ANKRD13A: variants seen among roughly 807,000 people sequenced by gnomAD.
ANKRD13A encodes ankyrin repeat domain 13A.
ANKRD13A carries 48 observed loss-of-function variants against 81.3 expected under a neutral mutation model. The ratio of observed to expected loss-of-function variants is 0.59; its 90% CI spans 0.47 to 0.75. The LOEUF is 0.75. Ranked by LOEUF, ANKRD13A falls within the 30% of genes least tolerant of loss-of-function variation. The pLI is 0.00. For synonymous variants in ANKRD13A, 230 were observed against 270.1 expected (o/e 0.85, Z 1.45); for missense variants, 612 against 734.0 (o/e 0.83, Z 1.92).
rs1326760476 is a variant in ANKRD13A at position 110,033,840 on chromosome 12, A to T, written c.1392A>T (p.Glu464Asp). 1 of 1,610,532 alleles carries T rather than the reference A, an allele frequency of 6.2e-7. No homozygotes were observed. The highest frequency in any genetic ancestry group is 8.5e-7 in the Non-Finnish European group (1 of 1,178,338). Residue 464 changes from glutamate (E) to aspartate (D), a missense_variant, in exon 13 of 15, where the codon GAA becomes GAT. Physicochemically the swap from Glu to Asp is conservative, Grantham distance 45. Transcript: ENST00000261739. ...TTGAGGTTGATCAATCTGTGTTTGA[A>T]ATTCCCGAATCTTACTATGTTCAAG... The part of the protein sequence containing the change: ...TNFEVDQSVF[E>D]IPESYYVQDN...
At chr12:110,010,524 T>C (rs1890465485) in intron 1 of ANKRD13A, among the ~76,000 whole-genome samples, 1 of 152,198 alleles carries the variant, frequency 6.6e-6, no homozygotes, top group Admixed American at 6.5e-5. Context: ...GATCCTACCC[T>C]TTGGAATTCT....
rs761660891 is a variant in ANKRD13A, at chr12:109,999,651, G to A, written c.-38G>A. ...GGAGACCCCGCCGGGGCCGAGACTT[G>A]GGGCGGGCGACGAGGACCAGGTTAC... On this transcript the variant is annotated 5_prime_UTR_variant, in exon 1 of 15. Transcript: ENST00000261739. The surrounding 1 kb of genome is among the most constrained non-coding windows in gnomAD (Gnocchi z 4.3). 1.1e-5 allele frequency: 17 copies of A among 1,489,402 alleles called. No homozygotes were observed. In the South Asian group the frequency reaches 2.0e-4, roughly 18 times the overall value. The allele number at this position is 1,489,402 out of a possible 1,614,324, so 92.3% of individuals were successfully genotyped here.
Position 110,020,728 on chromosome 12 carries a change from G to A in ANKRD13A, c.734+1400G>A, listed in dbSNP as rs536794634. ...TTCATAACCCCAGAAGGCAGAGGAA[G>A]CTGCCTTTTCTGCCACTGTTCATCC... is the stretch of plus-strand genomic sequence containing the variant. On this transcript the variant is annotated intron_variant, in intron 6 of 14. Transcript: ENST00000261739. 2.0e-5 allele frequency among the ~76,000 whole-genome samples: 3 copies of A among 152,360 alleles called. No homozygotes were observed. In the South Asian group the frequency reaches 6.2e-4, roughly 32 times the overall value.
Position 110,019,334 on chromosome 12 carries a change from A to G in ANKRD13A, c.734+6A>G. 1 of 1,588,316 alleles carries G rather than the reference A, an allele frequency of 6.3e-7. No homozygotes were observed. Among genetic ancestry groups the G allele is most frequent in the Non-Finnish European group, 8.6e-7 (1 of 1,164,660 alleles). On this transcript the variant is annotated splice_donor_region_variant and intron_variant, in intron 6 of 14. Coordinates refer to ENST00000261739, the MANE Select transcript of ANKRD13A (RefSeq NM_033121.2). ...AAAAATATTGCTTTTGAAAGGTACA[A>G]ATTTAGACTCTAAATTTTAATGTCT...
At chr12:110,031,357 ATT>A (rs112846454) in intron 12 of ANKRD13A, among the ~76,000 whole-genome samples, 1 of 143,244 alleles carries the variant, frequency 7.0e-6, no homozygotes, top group Non-Finnish European at 1.5e-5. Context: ...GGTTCAGTGC[ATT>A]TTTTTTTTTT....
intron 1 of ANKRD13A, among the ~76,000 whole-genome samples, chr12:110,011,182 C>A (rs1890500438): frequency 6.6e-6 from 1 of 152,116 alleles, no homozygotes; most frequent in African/African-American, 2.4e-5. Flanking sequence ...CTTTCAGAGT[C>A]ACATTTTTTA....
chr12:110,028,465 T>C, intron 9 of ANKRD13A, 47 bp from the exon 10 acceptor site: 1 of 1,609,826 alleles, frequency 6.2e-7, no homozygotes, highest in Non-Finnish European at 8.5e-7. Flanking sequence ...CCTTCACTTG[T>C]GAACATCATT....
rs1892207842 is a variant in ANKRD13A, at chr12:110,038,810, C to A, written c.*1256C>A. ...TTGTATATAACCATCGCACAACATACAGAACCCTGGGGAATACAGCCAAGG... is the reference window on the plus strand; with the variant it reads ...TTGTATATAACCATCGCACAACATAAAGAACCCTGGGGAATACAGCCAAGG... On this transcript the variant is annotated 3_prime_UTR_variant, in exon 15 of 15. Coordinates refer to ENST00000261739, the MANE Select transcript of ANKRD13A (RefSeq NM_033121.2). 1 of 152,206 alleles carries A rather than the reference C, an allele frequency of 6.6e-6. No individual in the cohort carries two copies. Among genetic ancestry groups the A allele is most frequent in the Non-Finnish European group, 1.5e-5 (1 of 68,032 alleles). The allele number at this position is 152,206 out of a possible 1,614,324, so 9.4% of individuals were successfully genotyped here.
chr12:110,025,747 C>T lies in ANKRD13A; in HGVS notation c.807C>T (p.Tyr269=), dbSNP rs759254043. 2 of 1,611,456 alleles carry T rather than the reference C, an allele frequency of 1.2e-6. No homozygotes were observed. The highest frequency in any genetic ancestry group is 2.2e-5 in the East Asian group (1 of 44,650). The change falls in exon 8 of 15, where the codon TAC becomes TAT. Residue 269 remains tyrosine (Y), a synonymous_variant. Transcript: ENST00000261739. ...EVVNGYEAKV[Y]TVNNVNVITK... ...CTTTCGCATACACCTCTCAGGTTTA[C>T]ACAGTAAACAATGTGAATGTGATCA...
intron 9 of ANKRD13A, 79 bp downstream of exon 9, chr12:110,027,845 A>G: frequency 7.0e-7 from 1 of 1,433,856 alleles, no homozygotes; most frequent in Admixed American, 1.7e-5. Context: ...CATTTACTGG[A>G]TCCTGAACAG....
chr12:110,004,616 A>C (rs1458913235), intron 1 of ANKRD13A, among the ~76,000 whole-genome samples: 1 of 152,158 alleles, frequency 6.6e-6, no homozygotes, highest in African/African-American at 2.4e-5. Flanking sequence ...GGGCAACAAG[A>C]GGGAGACTCT....
chr12:110,024,411 A>T lies in ANKRD13A; in HGVS notation c.801+299A>T, dbSNP rs550691267. On this transcript the variant is annotated intron_variant, in intron 7 of 14. Coordinates refer to ENST00000261739, the MANE Select transcript of ANKRD13A (RefSeq NM_033121.2). ...AAGCTAGTCATTCCCTTAATTATTT[A>T]AAAAAAAAAAAGGAAGAGGAAGGAT... Among the ~76,000 whole-genome samples the T allele has an allele frequency of 5.5e-3, 791 of 145,064 alleles. 4 individuals are homozygous for T. The highest frequency in any genetic ancestry group is 0.021 in the Middle Eastern group (6 of 280).
rs186647404 is a variant in ANKRD13A, at chr12:110,023,673, G to A, written c.735-373G>A. 6.7e-3 allele frequency: 1,214 copies of A among 182,322 alleles called. 2 individuals carry two copies. Among genetic ancestry groups the A allele is most frequent in the Non-Finnish European group, 9.0e-3 (780 of 86,334 alleles). The allele number at this position is 182,322 out of a possible 1,614,324, so 11.3% of individuals were successfully genotyped here. ...GCATGTCCCCAGTTAAGATGACCCA[G>A]ATAAATGCTCTGACCTGGTTACCAC... On this transcript the variant is annotated intron_variant, in intron 6 of 14. Transcript: ENST00000261739.
rs1435828491 is a variant in ANKRD13A, at chr12:110,036,375, C to A, written c.1577+47C>A. The A allele has an allele frequency of 1.3e-6, 2 of 1,590,068 alleles. No individual in the cohort carries two copies. Among genetic ancestry groups the A allele is most frequent in the Admixed American group, 1.7e-5 (1 of 59,946 alleles). ...GGAATAAACCAGGGTGAACACAGGC[C>A]TGGACACAGGCGAGCAGACGCGTGG... On this transcript the variant is annotated intron_variant, in intron 14 of 14. Coordinates refer to ENST00000261739, the MANE Select transcript of ANKRD13A (RefSeq NM_033121.2). This position sits in a 1 kb window ranked among gnomAD's most constrained non-coding sequence, Gnocchi z 4.6.
chr12:110,018,589 C>G lies in ANKRD13A; in HGVS notation c.544+101C>G. On this transcript the variant is annotated intron_variant, in intron 5 of 14. Coordinates refer to ENST00000261739, the MANE Select transcript of ANKRD13A (RefSeq NM_033121.2). The surrounding 1 kb of genome is among the most constrained non-coding windows in gnomAD (Gnocchi z 4.4). ...CATTCATGTGACTTTTCTGTCTGAT[C>G]CTTCCTAGGGCATGTTTTTTTGGTT... 1 of 1,394,802 alleles carries G rather than the reference C, an allele frequency of 7.2e-7. No individual in the cohort carries two copies. The highest frequency in any genetic ancestry group is 9.9e-7 in the Non-Finnish European group (1 of 1,012,778). The allele number at this position is 1,394,802 out of a possible 1,614,324, so 86.4% of individuals were successfully genotyped here. A position where few individuals can be genotyped will look rare whatever the true frequency, so the allele number is the denominator to read the frequency against.
At chr12:110,019,448 A>G (rs906359336) in intron 6 of ANKRD13A, 120 bp downstream of exon 6, 5 of 951,340 alleles carry the variant, frequency 5.3e-6, no homozygotes, top group Admixed American at 3.2e-5. Context: ...CATAATAAAC[A>G]CTAGTGGGTT....
At chr12:110,010,742 A>C (rs967087715) in intron 1 of ANKRD13A, among the ~76,000 whole-genome samples, 1 of 152,204 alleles carries the variant, frequency 6.6e-6, no homozygotes, top group African/African-American at 2.4e-5. Context: ...TCTTCACTGT[A>C]TAATAGCCAT....
chr12:110,023,806 C>G, intron 6 of ANKRD13A: 1 of 422,408 alleles, frequency 2.4e-6, no homozygotes, highest in Non-Finnish European at 4.3e-6. Flanking sequence ...TGTAAAGAAG[C>G]CAAGATTGGA....
chr12:110,012,223 G>C (rs1283360635), intron 2 of ANKRD13A, 86 bp downstream of exon 2: 2 of 1,425,550 alleles, frequency 1.4e-6, no homozygotes, highest in Non-Finnish European at 1.9e-6. Context: ...AAATTAGCCA[G>C]GTGCGGTGGT....
Sources: allele counts gnomAD v4.1 joint callset (sites outside exome capture counted in the v4.1 genomes callset), GRCh38; gene constraint gnomAD v4.1.1; non-coding constraint Gnocchi (gnomAD v3.1); transcripts MANE v1.5; gene names NCBI Gene and HGNC (gene_info 2026-07-23, HGNC 2026-07-21).